Variants in ABCB10 observed in about 807,000 individuals in gnomAD.
ABCB10 encodes the protein ATP-binding cassette sub-family B member 10, mitochondrial.
ABCB10 carries 54 observed loss-of-function variants against 65.4 expected under a neutral mutation model. The ratio of observed to expected loss-of-function variants is 0.83; its 90% CI spans 0.66 to 1.04. The LOEUF (loss-of-function observed/expected upper bound fraction) is 1.04. ABCB10 is among the 50% of genes least tolerant of loss of function. The pLI, the probability that ABCB10 is intolerant of heterozygous loss-of-function variation, is 0.00. For missense variants in ABCB10, 846 were observed against 976.6 expected (o/e 0.87, Z 1.78); for synonymous variants, 418 against 406.5 (o/e 1.03, Z -0.34).
At chr1:229,530,133 A>G (rs1206608171) in intron 8 of ABCB10, 66 bp downstream of exon 8, 2 of 1,507,984 alleles carry the variant, frequency 1.3e-6, no homozygotes, top group African/African-American at 2.8e-5. Flanking sequence ...AGCATCTCCT[A>G]GGGCGCAAAA....
At chr1:229,528,656 C>T (rs1171010477) in intron 8 of ABCB10, among the ~76,000 whole-genome samples, 2 of 151,920 alleles carry the variant, frequency 1.3e-5, no homozygotes, top group African/African-American at 4.8e-5. Context: ...AGCATAAGCA[C>T]AAAGACACAA....
chr1:229,533,282 C>G (rs968320464), intron 6 of ABCB10, among the ~76,000 whole-genome samples: 3 of 152,066 alleles, frequency 2.0e-5, no homozygotes, highest in Non-Finnish European at 2.9e-5. Context: ...CCCCACCATG[C>G]CTGGCTAATC....
intron 1 of ABCB10, among the ~76,000 whole-genome samples, chr1:229,551,567 T>G (rs748095633): frequency 2.0e-5 from 3 of 152,208 alleles, no homozygotes; most frequent in Non-Finnish European, 2.9e-5. Flanking sequence ...AAATGTGAAT[T>G]CTGGCAGCTC....
At chr1:229,518,730 G>A in intron 12 of ABCB10, 111 bp downstream of exon 12, 1 of 1,011,974 alleles carries the variant, frequency 9.9e-7, no homozygotes, top group Admixed American at 2.5e-5. Context: ...GTAAAGGGGG[G>A]AAAAAGGATT....
intron 3 of ABCB10, among the ~76,000 whole-genome samples, chr1:229,547,163 C>T (rs1380541731): frequency 6.6e-6 from 1 of 152,162 alleles, no homozygotes; most frequent in Non-Finnish European, 1.5e-5. Context: ...GGAATTTAGT[C>T]ACCGCTTGGT....
chr1:229,548,651 ATTTTCTTTTT>A (rs1478990385), intron 2 of ABCB10, among the ~76,000 whole-genome samples: 4 of 147,008 alleles, frequency 2.7e-5, no homozygotes, highest in Admixed American at 1.4e-4. Context: ...CAGGGGCCTC[ATTTTCTTTTT>A]TTTTCTTTTT....
intron 8 of ABCB10, among the ~76,000 whole-genome samples, chr1:229,527,967 G>T (rs893876920): frequency 1.3e-5 from 2 of 152,186 alleles, no homozygotes; most frequent in Admixed American, 1.3e-4. Flanking sequence ...TAAGAATCTG[G>T]TCGATACCAT....
chr1:229,529,670 A>T lies in ABCB10; in HGVS notation c.1645+529T>A, dbSNP rs1269421177. Among the ~76,000 whole-genome samples the T allele has an allele frequency of 4.7e-5, 7 of 148,654 alleles. No individual in the cohort carries two copies. The East Asian group carries it at 5.9e-4, about 12-fold the overall frequency. On this transcript the variant is annotated intron_variant, in intron 8 of 12. Coordinates refer to ENST00000344517, the MANE Select transcript of ABCB10 (RefSeq NM_012089.3). Reference sequence around the variant, plus strand: ...GGGCGACAGAGCAAGACTGTCTCAAAAAAAAAAAAAAAAAAAAAAAAAAGA... The same window carrying T: ...GGGCGACAGAGCAAGACTGTCTCAATAAAAAAAAAAAAAAAAAAAAAAAGA...
At chr1:229,541,613 T>G (rs1438240085) in intron 4 of ABCB10, among the ~76,000 whole-genome samples, 3 of 151,844 alleles carry the variant, frequency 2.0e-5, no homozygotes, top group African/African-American at 7.2e-5. Context: ...GTAACTATTT[T>G]CAAAACCTGA....
At chr1:229,558,038 G>C in intron 1 of ABCB10, 98 bp downstream of exon 1, 1 of 1,209,278 alleles carries the variant, frequency 8.3e-7, no homozygotes, top group Non-Finnish European at 1.0e-6. Context: ...GCGGTGACAC[G>C]CGCTCTGCGG....
chr1:229,556,742 T>C lies in ABCB10; in HGVS notation c.517+1394A>G, dbSNP rs115577572. 6.1e-3 allele frequency among the ~76,000 whole-genome samples: 921 copies of C among 152,226 alleles called. 8 individuals carry two copies. The highest frequency in any genetic ancestry group is 0.021 in the African/African-American group (880 of 41,526). ...GAACTGGATTTCCTTACACTTACTT[T>C]GAGTCACATACAGAAGTGGTGGGCG... On this transcript the variant is annotated intron_variant, in intron 1 of 12. Coordinates refer to ENST00000344517, the MANE Select transcript of ABCB10 (RefSeq NM_012089.3).
intron 5 of ABCB10, among the ~76,000 whole-genome samples, chr1:229,540,248 G>A (rs1443920082): frequency 6.6e-6 from 1 of 152,096 alleles, no homozygotes; most frequent in African/African-American, 2.4e-5. Flanking sequence ...GCTGGCATCA[G>A]AATGACCTGG....
chr1:229,543,373 T>G (rs1662896941), intron 3 of ABCB10, among the ~76,000 whole-genome samples: 1 of 152,198 alleles, frequency 6.6e-6, no homozygotes, highest in African/African-American at 2.4e-5. Flanking sequence ...TTGGTGATTG[T>G]ACTTTCAATA....
intron 2 of ABCB10, among the ~76,000 whole-genome samples, chr1:229,548,468 G>A (rs2102706645): frequency 6.6e-6 from 1 of 152,260 alleles, no homozygotes; most frequent in East Asian, 1.9e-4. Flanking sequence ...TCGAGTTGGT[G>A]TCCCAGGTTC....
At position 229,553,841 on chromosome 1, in the gene ABCB10, TTTC is replaced by T. The variant is rs376276029; in HGVS notation, c.517+4292_517+4294del. On this transcript the variant is annotated intron_variant, in intron 1 of 12. Coordinates refer to ENST00000344517, the MANE Select transcript of ABCB10 (RefSeq NM_012089.3). Reference sequence around the variant, plus strand: ...AGTCACTCCATCTCTCTGTGCCCAGTTTCCTCATTTGTAAAATGGCAATAGAAA... The same window carrying T: ...AGTCACTCCATCTCTCTGTGCCCAGTCTCATTTGTAAAATGGCAATAGAAA... Among the ~76,000 whole-genome samples the T allele has an allele frequency of 5.4e-3, 819 of 152,184 alleles. 6 individuals carry two copies. The highest frequency in any genetic ancestry group is 0.019 in the African/African-American group (771 of 41,568).
At chr1:229,542,509 C>G in intron 3 of ABCB10, 138 bp from the exon 4 acceptor site, 1 of 1,074,832 alleles carries the variant, frequency 9.3e-7, no homozygotes, top group Non-Finnish European at 1.3e-6. Flanking sequence ...CTTGAAGGTA[C>G]TGTCCCCAAG....
At chr1:229,518,437 A>G (rs1290894152) in intron 12 of ABCB10, 27 bp from the exon 13 acceptor site, 1 of 1,596,734 alleles carries the variant, frequency 6.3e-7, no homozygotes, top group East Asian at 2.2e-5. Context: ...CACACAAGAA[A>G]GCAAAGACGT....
chr1:229,521,850 C>T (rs193134318), intron 10 of ABCB10, among the ~76,000 whole-genome samples: 182 of 152,168 alleles, frequency 1.2e-3, no homozygotes, highest in African/African-American at 3.7e-3. Flanking sequence ...TGATGACTTC[C>T]TATATACCAA....
At chr1:229,535,040 A>T (rs1360927818) in intron 6 of ABCB10, 3 of 46,580 alleles carry the variant, frequency 6.4e-5, no homozygotes, top group African/African-American at 1.1e-4. Flanking sequence ...ACTCCCTTTA[A>T]AAAAAAAAAA....
Sources: allele counts gnomAD v4.1 joint callset (sites outside exome capture counted in the v4.1 genomes callset), GRCh38; gene constraint gnomAD v4.1.1; transcripts MANE v1.5; gene names NCBI Gene and HGNC (gene_info 2026-07-23, HGNC 2026-07-21).